Variants in PHLDB1 observed in about 807,000 individuals in gnomAD.
PHLDB1 encodes pleckstrin homology like domain family B member 1.
In PHLDB1, 65 loss-of-function variants were observed where a neutral mutation model predicts 139.3. The ratio of observed to expected loss-of-function variants is 0.47; its 90% CI spans 0.38 to 0.57. PHLDB1 has a LOEUF of 0.57. Among genes scored for constraint, PHLDB1 ranks in the 20% least tolerant of loss-of-function variants. The pLI is 0.00. For missense variants in PHLDB1, 1,624 were observed against 1,839.7 expected, an observed-to-expected ratio of 0.88 and a Z score of 2.14; for synonymous variants, 679 against 734.5, an observed-to-expected ratio of 0.92 and a Z score of 1.22.
Position 118,608,985 on chromosome 11 carries a change from C to G in PHLDB1, c.-22+1286C>G, listed in dbSNP as rs1939617021. On this transcript the variant is annotated intron_variant, in intron 1 of 22. Transcript: ENST00000600882. The surrounding 1 kb of genome is among the most constrained non-coding windows in gnomAD (Gnocchi z 6.7). ...CACACATGAGGCCCCAGCTCACACACGAAGCCCAGCTCACACACGCAGCCC... is the reference window on the plus strand; with the variant it reads ...CACACATGAGGCCCCAGCTCACACAGGAAGCCCAGCTCACACACGCAGCCC... Among the ~76,000 whole-genome samples, 1 of 150,246 alleles carries G rather than the reference C, an allele frequency of 6.7e-6. No individual in the cohort carries two copies. The highest frequency in any genetic ancestry group is 2.5e-5 in the African/African-American group (1 of 40,478).
In PHLDB1 at chr11:118,635,537, G is replaced by C. The variant is rs1385494207; in HGVS notation, c.2524G>C (p.Ala842Pro). 10 of 1,551,634 alleles carry C rather than the reference G, an allele frequency of 6.4e-6. No individual in the cohort carries two copies. The highest frequency in any genetic ancestry group is 8.7e-6 in the Non-Finnish European group (10 of 1,150,130). Residue 842 changes from alanine (A) to proline (P), a missense_variant, in exon 10 of 23, where the codon GCC becomes CCC. Coordinates refer to ENST00000600882, the MANE Select transcript of PHLDB1 (RefSeq NM_001144758.3). The part of the protein sequence containing the change: ...RSKAELLRSI[A>P]KRKERLAILD... Reference sequence around the variant, plus strand: ...CAAGGCTGAGCTGCTCCGCAGCATCGCCAAGAGGAAGGTGTGCCCCACCTC... The same window carrying C: ...CAAGGCTGAGCTGCTCCGCAGCATCCCCAAGAGGAAGGTGTGCCCCACCTC...
intron 10 of PHLDB1, among the ~76,000 whole-genome samples, chr11:118,636,159 G>C (rs1161992114): frequency 6.6e-6 from 1 of 152,164 alleles, no homozygotes; most frequent in Non-Finnish European, 1.5e-5. Context: ...GCTGGGAGGA[G>C]GTATGTGTTA....
At chr11:118,612,319 CA>C (rs1222174360) in intron 1 of PHLDB1, among the ~76,000 whole-genome samples, 2 of 152,100 alleles carry the variant, frequency 1.3e-5, no homozygotes, top group Non-Finnish European at 2.9e-5. Flanking sequence ...TCTCCTTCAC[CA>C]TTATTTATTA....
In PHLDB1 at chr11:118,638,888, T is replaced by A. The variant is rs782113491; in HGVS notation, c.2536-3T>A. ...GCCTGATCAACCACCCCATCTCCTT[T>A]AGGAGCGCCTGGCCATCCTGGACAG... On this transcript the variant is annotated splice_polypyrimidine_tract_variant and splice_region_variant and intron_variant, in intron 10 of 22. Coordinates refer to ENST00000600882, the MANE Select transcript of PHLDB1 (RefSeq NM_001144758.3). 6.2e-6 allele frequency: 10 copies of A among 1,606,966 alleles called. No individual in the cohort carries two copies. Among genetic ancestry groups the A allele is most frequent in the Non-Finnish European group, 6.8e-6 (8 of 1,176,296 alleles).
At chr11:118,629,076 G>A (rs1293141459) in intron 6 of PHLDB1, among the ~76,000 whole-genome samples, 1 of 152,202 alleles carries the variant, frequency 6.6e-6, no homozygotes, top group East Asian at 1.9e-4. Flanking sequence ...AGCAAGTTCT[G>A]GCAGAGCTAG....
Position 118,620,410 on chromosome 11 carries a change from T to G in PHLDB1, c.355+4199T>G, listed in dbSNP as rs1412682708. ...GGGAGGCTGAGGCAGGAGAATCGCTTGAACCCCGGAGGCGGAGGTTGCAGT... is the reference window on the plus strand; with the variant it reads ...GGGAGGCTGAGGCAGGAGAATCGCTGGAACCCCGGAGGCGGAGGTTGCAGT... On this transcript the variant is annotated intron_variant, in intron 4 of 22. Coordinates refer to ENST00000600882, the MANE Select transcript of PHLDB1 (RefSeq NM_001144758.3). The surrounding 1 kb of genome is among the most constrained non-coding windows in gnomAD (Gnocchi z 4.1). Among the ~76,000 whole-genome samples, 1 of 152,230 alleles carries G rather than the reference T, an allele frequency of 6.6e-6. No individual in the cohort carries two copies. The highest frequency in any genetic ancestry group is 2.4e-5 in the African/African-American group (1 of 41,456).
At position 118,631,451 on chromosome 11, in the gene PHLDB1, G is replaced by A; in HGVS notation, c.2072G>A (p.Cys691Tyr). 2 of 1,433,976 alleles carry A rather than the reference G, an allele frequency of 1.4e-6. No individual in the cohort carries two copies. Among genetic ancestry groups the A allele is most frequent in the Admixed American group, 2.7e-5 (1 of 37,490 alleles). 88.8% of individuals were successfully genotyped at this position (1,433,976 alleles called of 1,614,324 possible). ...GATGAGGAAAATCTCAAGGAGGAGT[G>A]CAGCAGCACTGAGAGCACCCAGCAG... ...RSDEENLKEE[C>Y]SSTESTQQEH... The change falls in exon 7 of 23, where the codon TGC becomes TAC. Residue 691 changes from cysteine (C) to tyrosine (Y), a missense_variant. Cys to Tyr is a radical substitution (Grantham distance 194). Coordinates refer to ENST00000600882, the MANE Select transcript of PHLDB1 (RefSeq NM_001144758.3).
chr11:118,607,888 A>T (rs1469762618), intron 1 of PHLDB1, among the ~76,000 whole-genome samples, 189 bp downstream of exon 1: 2 of 151,868 alleles, frequency 1.3e-5, no homozygotes, highest in African/African-American at 4.8e-5. Flanking sequence ...CGTTATGGGG[A>T]GTTTTCCTGT....
At chr11:118,652,130 GA>G (rs545416757) in intron 20 of PHLDB1, 9 of 152,432 alleles carry the variant, frequency 5.9e-5, no homozygotes, top group African/African-American at 2.2e-4. Flanking sequence ...AAGGGCTGCA[GA>G]GTTTGGTGCC....
intron 3 of PHLDB1, chr11:118,615,741 A>C: frequency 3.0e-6 from 1 of 335,750 alleles, no homozygotes; most frequent in Non-Finnish European, 5.4e-6. Context: ...GAATAAGGGA[A>C]GATCTGCAGA....
In PHLDB1 at chr11:118,650,255, C is replaced by T. The variant is rs1037558606; in HGVS notation, c.3771+62C>T. 10 of 1,293,720 alleles carry T rather than the reference C, an allele frequency of 7.7e-6. No homozygotes were observed. The highest frequency in any genetic ancestry group is 9.0e-6 in the Non-Finnish European group (8 of 888,446). The allele number at this position is 1,293,720 out of a possible 1,614,324, so 80.1% of individuals were successfully genotyped here. On this transcript the variant is annotated intron_variant, in intron 19 of 22. Transcript: ENST00000600882. The surrounding 1 kb of genome is among the most constrained non-coding windows in gnomAD (Gnocchi z 4.7). ...GGGAGAATCCCGTGGTGAGAGGCAC[C>T]TCCTGGGTCGTTGGAATAGTGGCGT...
At chr11:118,641,651 C>A in intron 12 of PHLDB1, 1 of 1,288,390 alleles carries the variant, frequency 7.8e-7, no homozygotes, top group Non-Finnish European at 1.0e-6. Flanking sequence ...ATGCGGGGCA[C>A]CTCGCCCATG....
In PHLDB1 at chr11:118,625,025, C is replaced by T. The variant is rs782536951; in HGVS notation, c.447C>T (p.Gly149=). 6.2e-7 allele frequency: 1 copy of T among 1,612,776 alleles called. No homozygotes were observed. Among genetic ancestry groups the T allele is most frequent in the Non-Finnish European group, 8.5e-7 (1 of 1,179,156 alleles). Residue 149 remains glycine (G), a synonymous_variant, in exon 5 of 23, where the codon GGC becomes GGT. Transcript: ENST00000600882. The part of the protein sequence containing the change: ...KWMKSMIPAG[G]RAPGPPYSPV... ...TGAAAAGCATGATTCCAGCAGGGGG[C>T]CGAGCCCCTGGGCCCCCCTACAGCC... is the stretch of plus-strand genomic sequence containing the variant.
chr11:118,630,507 C>T (rs868942258), intron 6 of PHLDB1, among the ~76,000 whole-genome samples: 11 of 152,320 alleles, frequency 7.2e-5, no homozygotes, highest in Middle Eastern at 3.4e-3. Context: ...ACCTCTTCTC[C>T]ATGTATGTCT....
At chr11:118,606,719 G>A (rs190464316), upstream of PHLDB1, 1 of 152,368 alleles carries the variant, frequency 6.6e-6, no homozygotes, top group Non-Finnish European at 1.5e-5. Flanking sequence ...AGGTTGAGAT[G>A]GAGAATGACT....
chr11:118,624,075 T>C (rs1943376864), intron 4 of PHLDB1: 1 of 152,134 alleles, frequency 6.6e-6, no homozygotes, highest in African/African-American at 2.4e-5. Flanking sequence ...AAGTTTTGTA[T>C]TTTGAGTAGA....
intron 10 of PHLDB1, among the ~76,000 whole-genome samples, chr11:118,636,003 C>T (rs1162413309): frequency 6.6e-6 from 1 of 152,216 alleles, no homozygotes; most frequent in African/African-American, 2.4e-5. Context: ...TCAGCCCTGC[C>T]TTGGCTGAGC....
chr11:118,616,293 G>A, intron 4 of PHLDB1, 82 bp downstream of exon 4: 3 of 1,283,346 alleles, frequency 2.3e-6, no homozygotes, highest in Non-Finnish European at 3.3e-6. Context: ...TGGCTGTGGT[G>A]GTTGCCATGG....
rs1949155703 is a variant in PHLDB1, at chr11:118,657,191, C to G, written c.*368C>G. ...AGGGGCTTTGGGGGCTGAGCAGAGC[C>G]ACATCCAGAGTGGGGTAATAGCTCA... On this transcript the variant is annotated 3_prime_UTR_variant, in exon 23 of 23. Transcript: ENST00000600882. 1 of 174,100 alleles carries G rather than the reference C, an allele frequency of 5.7e-6. No homozygotes were observed. Among genetic ancestry groups the G allele is most frequent in the African/African-American group, 2.4e-5 (1 of 42,196 alleles). 10.8% of individuals were successfully genotyped at this position (174,100 alleles called of 1,614,324 possible). A position where few individuals can be genotyped will look rare whatever the true frequency, so the allele number is the denominator to read the frequency against.
Sources: allele counts gnomAD v4.1 joint callset (sites outside exome capture counted in the v4.1 genomes callset), GRCh38; gene constraint gnomAD v4.1.1; non-coding constraint Gnocchi (gnomAD v3.1); transcripts MANE v1.5; gene names NCBI Gene and HGNC (gene_info 2026-07-23, HGNC 2026-07-21).